The following WDR86 variants were observed in gnomAD, a reference collection of about 807,000 sequenced individuals.
The protein encoded by WDR86 is WD repeat-containing protein 86.
WDR86 carries 30 observed loss-of-function variants against 36.5 expected under a neutral mutation model. That is an observed-to-expected ratio of 0.82 (90% CI 0.61 to 1.11). WDR86 has a LOEUF of 1.11. WDR86 is among the 50% of genes most tolerant of loss of function. WDR86 has a pLI of 0.00. For missense variants in WDR86, 545 were observed against 561.2 expected, an observed-to-expected ratio of 0.97 and a Z score of 0.29; for synonymous variants, 255 against 252.9, an observed-to-expected ratio of 1.01 and a Z score of -0.08.
chr7:151,386,579 G>A (rs1798997579), intron 3 of WDR86, among the ~76,000 whole-genome samples: 1 of 152,128 alleles, frequency 6.6e-6, no homozygotes, highest in Non-Finnish European at 1.5e-5. Flanking sequence ...TGTCAGCTTT[G>A]GCAGGGTTCC....
downstream of WDR86, among the ~76,000 whole-genome samples, chr7:151,371,110 C>A (rs1325544097): frequency 6.6e-6 from 1 of 152,074 alleles, no homozygotes; most frequent in African/African-American, 2.4e-5. Context: ...AATAAAAAAA[C>A]CAGTGTATAT....
rs1305100416 is a variant in WDR86 at position 151,388,787 on chromosome 7, A to C, written c.727-3564T>G. Among the ~76,000 whole-genome samples the C allele has an allele frequency of 6.6e-6, 1 of 152,180 alleles. No individual in the cohort carries two copies. Among genetic ancestry groups the C allele is most frequent in the Non-Finnish European group, 1.5e-5 (1 of 68,028 alleles). ...ACCTGGTCCCCAGGCTGACGGTCGG[A>C]GGCGGGGTATATGAAGCTATGGTCT... On this transcript the variant is annotated intron_variant, in intron 3 of 5. Coordinates refer to ENST00000334493, the MANE Select transcript of WDR86 (RefSeq NM_198285.3). This position sits in a 1 kb window ranked among gnomAD's most constrained non-coding sequence, Gnocchi z 4.2.
intron 3 of WDR86, among the ~76,000 whole-genome samples, chr7:151,392,611 C>A (rs986583712): frequency 6.6e-6 from 1 of 152,106 alleles, no homozygotes; most frequent in Non-Finnish European, 1.5e-5. Context: ...GTCGGGAGGC[C>A]GAGTCTAATA....
intron 3 of WDR86, among the ~76,000 whole-genome samples, chr7:151,386,995 T>G (rs1024854951): frequency 1.3e-5 from 2 of 152,204 alleles, no homozygotes; most frequent in South Asian, 2.1e-4. Flanking sequence ...CCCAGGGCAC[T>G]GTGTCTGTGT....
intron 4 of WDR86, among the ~76,000 whole-genome samples, chr7:151,382,535 C>A (rs962564267): frequency 1.3e-5 from 2 of 152,254 alleles, no homozygotes; most frequent in Admixed American, 6.5e-5. Context: ...CCAACTGCAA[C>A]CTGCATTTGC....
intron 2 of WDR86, 131 bp downstream of exon 2, chr7:151,399,969 C>A: frequency 1.2e-6 from 1 of 842,014 alleles, no homozygotes; most frequent in Non-Finnish European, 1.7e-6. Context: ...GACCACCTCC[C>A]AGCTGTCCAC....
downstream of WDR86, among the ~76,000 whole-genome samples, chr7:151,378,846 A>G (rs1382238551): frequency 6.6e-6 from 1 of 152,246 alleles, no homozygotes; most frequent in Non-Finnish European, 1.5e-5. Context: ...GTTTTTAGCC[A>G]TCATAGAAGC....
At position 151,385,210 on chromosome 7, in the gene WDR86, A is replaced by G; in HGVS notation, c.740T>C (p.Leu247Pro). 2 of 1,612,230 alleles carry G rather than the reference A, an allele frequency of 1.2e-6. No individual in the cohort carries two copies. Among genetic ancestry groups the G allele is most frequent in the Non-Finnish European group, 1.7e-6 (2 of 1,179,878 alleles). ...CCTGTCCGCGCTGCCAGAGTACACG[A>G]GTCGGTTCACCAGCTGCGAGGAGGA... ...SVICLELVNRLVYSGSADRTV... is the reference protein window; with the variant it reads ...SVICLELVNRPVYSGSADRTV... Residue 247 changes from leucine to proline, a missense_variant, in exon 4 of 6, where the codon CTC (leucine) becomes CCC (proline). Leu to Pro is a moderately conservative substitution (Grantham distance 98). Transcript: ENST00000334493.
chr7:151,402,070 A>AAAAAAAAAAAAATATATATATATAT, intron 1 of WDR86, among the ~76,000 whole-genome samples: 4 of 50,520 alleles, frequency 7.9e-5, no homozygotes, highest in Non-Finnish European at 1.0e-4. Context: ...AAAAAAAAAA[A>AAAAAAAAAAAAATATATATATATAT]ATATATATAT....
intron 3 of WDR86, among the ~76,000 whole-genome samples, chr7:151,394,284 A>AT (rs1381003937): frequency 6.6e-6 from 1 of 152,138 alleles, no homozygotes; most frequent in Non-Finnish European, 1.5e-5. Flanking sequence ...CTCCACGCGA[A>AT]TGTGAGCCCT....
Position 151,395,881 on chromosome 7 carries a change from C to T in WDR86, c.621G>A (p.Thr207=), listed in dbSNP as rs775524881. 106 of 1,601,340 alleles carry T rather than the reference C, an allele frequency of 6.6e-5. No individual in the cohort carries two copies. The highest frequency in any genetic ancestry group is 7.9e-5 in the Non-Finnish European group (93 of 1,176,198). ...TGGCGTCGGTGCTGCCTGTGAAGGC[C>T]GTGTGGCCGGGCGTGTCTAGCACTA... ...LCLVLDTPGH[T]AFTGSTDATI... is the part of the protein sequence containing the mutation. Residue 207 remains threonine, a synonymous_variant, in exon 3 of 6, where the codon ACG becomes ACA. Transcript: ENST00000334493.
At position 151,388,479 on chromosome 7, in the gene WDR86, T is replaced by C. The variant is rs948068601; in HGVS notation, c.727-3256A>G. Among the ~76,000 whole-genome samples the C allele has an allele frequency of 2.6e-4, 39 of 152,162 alleles. No homozygotes were observed. Among genetic ancestry groups the C allele is most frequent in the African/African-American group, 9.2e-4 (38 of 41,524 alleles). ...CAGCGCAGGGCCACCACAGACAGGG[T>C]GCCCCCTGGCTTTTTGACCTTGGGT... On this transcript the variant is annotated intron_variant, in intron 3 of 5. Transcript: ENST00000334493. This position sits in a 1 kb window ranked among gnomAD's most constrained non-coding sequence, Gnocchi z 4.2.
chr7:151,380,761 C>G (rs1205663885), downstream of WDR86, among the ~76,000 whole-genome samples: 2 of 151,932 alleles, frequency 1.3e-5, no homozygotes, highest in Non-Finnish European at 2.9e-5. Flanking sequence ...TGTGCACGAG[C>G]CCGGGGTGGG....
rs1005626850 is a variant in WDR86, at chr7:151,385,104, C to T, written c.846G>A (p.Lys282=). 3 of 1,608,602 alleles carry T rather than the reference C, an allele frequency of 1.9e-6. No individual in the cohort carries two copies. The highest frequency in any genetic ancestry group is 2.0e-4 in the Middle Eastern group (1 of 4,974). The change falls in exon 4 of 6, where the codon AAG becomes AAA. Residue 282 remains lysine, a synonymous_variant. Transcript: ENST00000334493. ...TAHRRNVSAL[K]YHAGTLFTGS... is the part of the protein sequence containing the mutation. ...GTCACTTACAGGTGCCCGCGTGGTA[C>T]TTGAGGGCGCTCACGTTGCGTCTGT...
chr7:151,395,638 G>A lies in WDR86; in HGVS notation c.726+138C>T, dbSNP rs1799764020. ...TGGATTCCCAGCCCCAGGACCGCAA[G>A]GCCTCCGTGGCGCTTGCCAGGCCCC... is the stretch of plus-strand genomic sequence containing the variant. On this transcript the variant is annotated intron_variant, in intron 3 of 5. Transcript: ENST00000334493. 5.6e-6 allele frequency: 6 copies of A among 1,068,080 alleles called. No homozygotes were observed. The Admixed American group carries it at 1.7e-4, about 30-fold the overall frequency. 66.2% of individuals were successfully genotyped at this position (1,068,080 alleles called of 1,614,324 possible). A position where few individuals can be genotyped will look rare whatever the true frequency, so the allele number is the denominator to read the frequency against.
chr7:151,387,566 C>A (rs1224471291), intron 3 of WDR86, among the ~76,000 whole-genome samples: 1 of 152,022 alleles, frequency 6.6e-6, no homozygotes, highest in Non-Finnish European at 1.5e-5. Flanking sequence ...GCAGCCACGG[C>A]GGCTCTGAGG....
chr7:151,394,772 T>C (rs867684928), intron 3 of WDR86, among the ~76,000 whole-genome samples: 1 of 152,178 alleles, frequency 6.6e-6, no homozygotes. Flanking sequence ...ATCCCTAATC[T>C]AAAACCTTGG....
At chr7:151,377,282 G>A (rs1798346910), downstream of WDR86, 14 of 1,178,470 alleles carry the variant, frequency 1.2e-5, no homozygotes, top group South Asian at 3.3e-5. Flanking sequence ...TTATGAAAAG[G>A]CTAATGCAGC....
chr7:151,407,100 T>A (rs1006708254), intron 1 of WDR86, among the ~76,000 whole-genome samples: 1 of 152,222 alleles, frequency 6.6e-6, no homozygotes, highest in African/African-American at 2.4e-5. Flanking sequence ...TGAAAATTCC[T>A]GAAAATACCA....
Sources: allele counts gnomAD v4.1 joint callset (sites outside exome capture counted in the v4.1 genomes callset), GRCh38; gene constraint gnomAD v4.1.1; non-coding constraint Gnocchi (gnomAD v3.1); transcripts MANE v1.5; gene names NCBI Gene and HGNC (gene_info 2026-07-23, HGNC 2026-07-21).